Variants in SMPDL3A observed in about 807,000 individuals in gnomAD.
SMPDL3A encodes the protein sphingomyelin phosphodiesterase acid like 3A.
A neutral mutation model predicts 38.5 loss-of-function variants in SMPDL3A; 39 were observed. The observed-to-expected ratio is 1.01, with a 90% confidence interval of 0.78 to 1.32. The LOEUF is 1.32. SMPDL3A is among the 40% of genes most tolerant of loss of function. The pLI is 0.00. For synonymous variants in SMPDL3A, 180 were observed against 194.3 expected, an observed-to-expected ratio of 0.93 and a Z score of 0.61; for missense variants, 502 against 536.2, an observed-to-expected ratio of 0.94 and a Z score of 0.63.
rs770160627 is a variant in SMPDL3A, at chr6:122,789,460, T to C, written c.112+2T>C. 146 of 1,546,854 alleles carry C rather than the reference T, an allele frequency of 9.4e-5. No homozygotes were observed. The highest frequency in any genetic ancestry group is 1.2e-4 in the Non-Finnish European group (139 of 1,144,224). On this transcript the variant is annotated splice_donor_variant, in intron 1 of 7. Transcript: ENST00000368440. LOFTEE classifies it high-confidence loss of function. ...GCAGGAATCCTCCTCCGGCGATAGGTGAGTTGTCCGCGACCCTTCTCTTCC... is the reference window on the plus strand; with the variant it reads ...GCAGGAATCCTCCTCCGGCGATAGGCGAGTTGTCCGCGACCCTTCTCTTCC...
At chr6:122,789,500 C>T (rs1780990407) in intron 1 of SMPDL3A, 42 bp downstream of exon 1, 1 of 1,486,268 alleles carries the variant, frequency 6.7e-7, no homozygotes, top group Non-Finnish European at 9.2e-7. Flanking sequence ...CGGCAAAGAG[C>T]GCGGAGCGGC....
intron 1 of SMPDL3A, among the ~76,000 whole-genome samples, chr6:122,793,855 G>GT (rs1781154811): frequency 6.6e-6 from 1 of 152,134 alleles, no homozygotes; most frequent in East Asian, 1.9e-4. Context: ...TATTGGTAGA[G>GT]TTTAAAGTTT....
chr6:122,795,053 C>T (rs1008071799), intron 1 of SMPDL3A, among the ~76,000 whole-genome samples: 3 of 152,142 alleles, frequency 2.0e-5, no homozygotes, highest in East Asian at 1.9e-4. Flanking sequence ...TTGGCCTCTC[C>T]GAAGGGTATT....
intron 1 of SMPDL3A, chr6:122,789,846 A>C (rs915702496): frequency 8.1e-6 from 8 of 985,410 alleles, no homozygotes; most frequent in Middle Eastern, 5.2e-4. Flanking sequence ...TGTCCAGCAC[A>C]GCAAGAGGCC....
At chr6:122,801,545 G>A in intron 4 of SMPDL3A, 139 bp downstream of exon 4, 1 of 647,762 alleles carries the variant, frequency 1.5e-6, no homozygotes, top group Admixed American at 2.5e-5. Flanking sequence ...GAGTAGTAAT[G>A]CTGCCTGTGA....
chr6:122,792,308 T>G (rs1781103457), intron 1 of SMPDL3A, among the ~76,000 whole-genome samples: 1 of 152,184 alleles, frequency 6.6e-6, no homozygotes, highest in Non-Finnish European at 1.5e-5. Context: ...ATCACTAGAC[T>G]AGAAGTCTGG....
At chr6:122,805,448 A>G (rs1781579922) in intron 6 of SMPDL3A, among the ~76,000 whole-genome samples, 2 of 152,210 alleles carry the variant, frequency 1.3e-5, no homozygotes, top group African/African-American at 4.8e-5. Context: ...TTGATGCTAC[A>G]TGTTTTATTT....
intron 4 of SMPDL3A, among the ~76,000 whole-genome samples, chr6:122,802,101 C>A (rs1191175328): frequency 1.3e-5 from 2 of 151,808 alleles, no homozygotes; most frequent in African/African-American, 2.4e-5. Flanking sequence ...ATTGTTTTTG[C>A]TAGCATGCAG....
At chr6:122,804,480 CTAT>C (rs948647982) in intron 5 of SMPDL3A, among the ~76,000 whole-genome samples, 2 of 150,966 alleles carry the variant, frequency 1.3e-5, no homozygotes, top group African/African-American at 4.9e-5. Flanking sequence ...ATTTTTTTTT[CTAT>C]TATTTTTTGT....
In SMPDL3A at chr6:122,806,320, G is replaced by C; in HGVS notation, c.1007G>C (p.Arg336Thr). ...AAACAGACCAACAATCCTGGTATCA[G>C]ACTGTTTCAGTATGATCCTCGTGAT... ...LEKQTNNPGI[R>T]LFQYDPRDYK... The change falls in exon 7 of 8, where the codon AGA becomes ACA. Residue 336 changes from arginine (R) to threonine (T), a missense_variant. Transcript: ENST00000368440. 1 of 1,613,188 alleles carries C rather than the reference G, an allele frequency of 6.2e-7. No homozygotes were observed. The highest frequency in any genetic ancestry group is 8.5e-7 in the Non-Finnish European group (1 of 1,179,358).
At position 122,789,376 on chromosome 6, in the gene SMPDL3A, C is replaced by G; in HGVS notation, c.30C>G (p.Cys10Trp). ...CGCTGGTGCGCGCACTCGTCTGCTGCCTGCTGACTGCCTGGCACTGCCGCT... is the reference window on the plus strand; with the variant it reads ...CGCTGGTGCGCGCACTCGTCTGCTGGCTGCTGACTGCCTGGCACTGCCGCT... MALVRALVC[C>W]LLTAWHCRSG... Residue 10 changes from cysteine (C) to tryptophan (W), a missense_variant, in exon 1 of 8, where the codon TGC (cysteine) becomes TGG (tryptophan). By Grantham distance (215) the Cys-to-Trp change is radical. Coordinates refer to ENST00000368440, the MANE Select transcript of SMPDL3A (RefSeq NM_006714.5). 1 of 1,548,666 alleles carries G rather than the reference C, an allele frequency of 6.5e-7. No homozygotes were observed. The highest frequency in any genetic ancestry group is 8.7e-7 in the Non-Finnish European group (1 of 1,146,254).
chr6:122,793,285 C>T, intron 1 of SMPDL3A, among the ~76,000 whole-genome samples: 1 of 152,144 alleles, frequency 6.6e-6, no homozygotes, highest in East Asian at 1.9e-4. Context: ...TCACTTAACT[C>T]TCACAGTAGG....
At chr6:122,796,579 T>C (rs1011203001) in intron 2 of SMPDL3A, among the ~76,000 whole-genome samples, 1 of 152,188 alleles carries the variant, frequency 6.6e-6, no homozygotes, top group Admixed American at 6.5e-5. Context: ...CTTATAAATC[T>C]TCAGTCAGGT....
At chr6:122,804,841 A>C in intron 5 of SMPDL3A, 68 bp from the exon 6 acceptor site, 2 of 1,352,346 alleles carry the variant, frequency 1.5e-6, no homozygotes, top group Non-Finnish European at 2.1e-6. Flanking sequence ...TGGGTATCCA[A>C]ATGTCATTTA....
intron 4 of SMPDL3A, among the ~76,000 whole-genome samples, chr6:122,802,195 C>CTTTTTT (rs3031702): frequency 1.6e-5 from 2 of 123,560 alleles, no homozygotes; most frequent in African/African-American, 2.9e-5. Flanking sequence ...TATATCTAGT[C>CTTTTTT]TTTTTTTTTT....
chr6:122,790,653 CTG>C (rs2115156749), intron 1 of SMPDL3A, among the ~76,000 whole-genome samples: 1 of 152,332 alleles, frequency 6.6e-6, no homozygotes, highest in African/African-American at 2.4e-5. Context: ...GGTTTCCGAA[CTG>C]TGGCAAATGT....
intron 7 of SMPDL3A, among the ~76,000 whole-genome samples, chr6:122,808,246 A>G (rs962585923): frequency 6.6e-6 from 1 of 152,184 alleles, no homozygotes; most frequent in Admixed American, 6.5e-5. Flanking sequence ...GTACTGACAA[A>G]TGTTTAACAA....
chr6:122,793,269 A>G (rs1012048122), intron 1 of SMPDL3A, among the ~76,000 whole-genome samples: 2 of 152,146 alleles, frequency 1.3e-5, no homozygotes, highest in Non-Finnish European at 2.9e-5. Flanking sequence ...CTTTACTTCT[A>G]CTAAGTCACT....
intron 1 of SMPDL3A, among the ~76,000 whole-genome samples, chr6:122,791,656 A>G (rs545214904): frequency 1.3e-5 from 2 of 152,184 alleles, no homozygotes; most frequent in East Asian, 3.9e-4. Flanking sequence ...ACACACACAC[A>G]TATTTTTGGA....
Sources: allele counts gnomAD v4.1 joint callset (sites outside exome capture counted in the v4.1 genomes callset), GRCh38; gene constraint gnomAD v4.1.1; transcripts MANE v1.5; gene names NCBI Gene and HGNC (gene_info 2026-07-23, HGNC 2026-07-21).